NADSYN1: variants seen among roughly 807,000 people sequenced by gnomAD.
NADSYN1 encodes the protein NAD synthetase 1.
In NADSYN1, 80 loss-of-function variants were observed where a neutral mutation model predicts 99.3. The ratio of observed to expected loss-of-function variants is 0.81; its 90% CI spans 0.67 to 0.97. NADSYN1 has a LOEUF of 0.97. NADSYN1 is among the 50% of genes least tolerant of loss of function. The pLI is 0.00. For missense variants in NADSYN1, 859 were observed against 948.5 expected (o/e 0.91, Z 1.24); for synonymous variants, 385 against 372.1 (o/e 1.03, Z -0.40).
intron 15 of NADSYN1, chr11:71,485,336 C>G: frequency 2.4e-6 from 1 of 411,186 alleles, no homozygotes; most frequent in Non-Finnish European, 4.4e-6. Context: ...CAAGGCACCA[C>G]TGAGCTTGTG....
At chr11:71,483,394 G>T (rs900888482) in intron 14 of NADSYN1, among the ~76,000 whole-genome samples, 46 of 152,242 alleles carry the variant, frequency 3.0e-4, no homozygotes, top group Middle Eastern at 6.8e-3. Flanking sequence ...GGCATTCCCA[G>T]TGCAGGCTGC....
chr11:71,455,372 G>A (rs1330900318), intron 2 of NADSYN1: 1 of 497,774 alleles, frequency 2.0e-6, no homozygotes, highest in African/African-American at 1.9e-5. Context: ...TTCCCATGTT[G>A]AGTAATTAAA....
intron 4 of NADSYN1, 77 bp from the exon 5 acceptor site, chr11:71,463,976 T>A (rs1381898962): frequency 6.6e-6 from 8 of 1,219,510 alleles, no homozygotes; most frequent in Non-Finnish European, 8.2e-6. Flanking sequence ...ACCTCGTCAC[T>A]TGGTGGCACT....
intron 3 of NADSYN1, 60 bp downstream of exon 3, chr11:71,458,604 G>A: frequency 8.4e-7 from 1 of 1,187,136 alleles, no homozygotes; most frequent in Non-Finnish European, 1.3e-6. Context: ...TCAAGGGCAT[G>A]ACCCACCCAA....
At chr11:71,498,250 G>A (rs1313250632) in intron 19 of NADSYN1, 102 bp from the exon 20 acceptor site, 5 of 1,349,106 alleles carry the variant, frequency 3.7e-6, no homozygotes, top group Non-Finnish European at 5.1e-6. Context: ...TGTGCGGGGA[G>A]TAACCCATTA....
At chr11:71,476,009 C>G in intron 9 of NADSYN1, 1 of 456,060 alleles carries the variant, frequency 2.2e-6, no homozygotes, top group South Asian at 1.5e-5. Context: ...CCACCGCACC[C>G]GGCCTCTCTT....
At chr11:71,465,962 A>AT (rs1218114757) in intron 5 of NADSYN1, among the ~76,000 whole-genome samples, 1 of 152,046 alleles carries the variant, frequency 6.6e-6, no homozygotes, top group East Asian at 1.9e-4. Context: ...CTCTTGGTTC[A>AT]TTTTCTTAAC....
chr11:71,461,649 G>A (rs2120406747), intron 3 of NADSYN1, among the ~76,000 whole-genome samples: 1 of 152,176 alleles, frequency 6.6e-6, no homozygotes, highest in South Asian at 2.1e-4. Flanking sequence ...AGCTGGTCTT[G>A]AACTCCTGAC....
chr11:71,493,499 G>A (rs1253524431), intron 18 of NADSYN1, among the ~76,000 whole-genome samples: 2 of 152,104 alleles, frequency 1.3e-5, no homozygotes, highest in East Asian at 3.9e-4. Flanking sequence ...TGCCAGGCCT[G>A]ATGATCCTAA....
intron 13 of NADSYN1, among the ~76,000 whole-genome samples, chr11:71,482,378 G>T (rs147189867): frequency 5.3e-5 from 8 of 152,224 alleles, no homozygotes; most frequent in Non-Finnish European, 8.8e-5. Context: ...GCAGAACAGC[G>T]GTGATGATGC....
chr11:71,484,239 C>T, intron 14 of NADSYN1, 73 bp from the exon 15 acceptor site: 1 of 1,568,516 alleles, frequency 6.4e-7, no homozygotes, highest in Non-Finnish European at 8.7e-7. Context: ...GTCATCAGGG[C>T]TTCACCGCTC....
rs376908378 is a variant in NADSYN1 at position 71,474,422 on chromosome 11, C to G, written c.694C>G (p.Gln232Glu). ...CGGTGGGATTTACTTGCTGGCCAAC[C>G]AGAAGGGTTGTGACGGGGACCGCCT... Reference protein sequence around the residue: ...KNGGIYLLANQKGCDGDRLYY... With the variant: ...KNGGIYLLANEKGCDGDRLYY... Residue 232 changes from glutamine (Q) to glutamate (E), a missense_variant, in exon 9 of 21, where the codon CAG becomes GAG. Transcript: ENST00000319023. 2.5e-6 allele frequency: 4 copies of G among 1,614,096 alleles called. No homozygotes were observed. The highest frequency in any genetic ancestry group is 2.7e-5 in the African/African-American group (2 of 74,944).
intron 18 of NADSYN1, among the ~76,000 whole-genome samples, chr11:71,495,504 G>C (rs933928937): frequency 2.0e-5 from 3 of 152,234 alleles, no homozygotes; most frequent in African/African-American, 7.2e-5. Flanking sequence ...GCCGCTGGGT[G>C]CAGTGCCCTG....
rs1462286911 is a variant in NADSYN1, at chr11:71,455,293, TG to T, written c.146+124del. On this transcript the variant is annotated intron_variant, in intron 2 of 20. Coordinates refer to ENST00000319023, the MANE Select transcript of NADSYN1 (RefSeq NM_018161.5). The stretch of plus-strand genomic sequence containing the variant: ...AGAGCTGTGGACACGCCACACCCAC[TG>T]TTGGGCCTGGTTAATGCCATTGAAC... 4.0e-6 allele frequency: 3 copies of T among 742,934 alleles called. No homozygotes were observed. The African/African-American group carries it at 5.2e-5, about 13-fold the overall frequency. The allele number at this position is 742,934 out of a possible 1,614,324, so 46.0% of individuals were successfully genotyped here.
chr11:71,465,575 A>T lies in NADSYN1; in HGVS notation c.407+1433A>T, dbSNP rs550689693. ...TTGTCATGGGGCGTCGGCCATGTGC[A>T]TCCTCAGGCATTTACTGGCATAGCT... On this transcript the variant is annotated intron_variant, in intron 5 of 20. Coordinates refer to ENST00000319023, the MANE Select transcript of NADSYN1 (RefSeq NM_018161.5). Among the ~76,000 whole-genome samples, 7 of 152,310 alleles carry T rather than the reference A, an allele frequency of 4.6e-5. No homozygotes were observed. The East Asian group carries it at 1.3e-3, about 29-fold the overall frequency.
chr11:71,489,092 C>T (rs994197830), intron 16 of NADSYN1, among the ~76,000 whole-genome samples: 17 of 151,838 alleles, frequency 1.1e-4, no homozygotes, highest in East Asian at 1.9e-4. Flanking sequence ...GCCAGCCCTG[C>T]AGGGTTAAGT....
At chr11:71,497,424 T>A in intron 18 of NADSYN1, 59 bp from the exon 19 acceptor site, 1 of 1,609,998 alleles carries the variant, frequency 6.2e-7, no homozygotes, top group African/African-American at 1.3e-5. Context: ...AAAGAAGCTT[T>A]AGGCTCTCCC....
chr11:71,480,400 C>T, intron 10 of NADSYN1: 1 of 257,026 alleles, frequency 3.9e-6, no homozygotes, highest in South Asian at 4.1e-5. Context: ...TCTCGAACTC[C>T]TGACCTCAGG....
Position 71,491,967 on chromosome 11 carries a change from T to G in NADSYN1, c.1764+64T>G, listed in dbSNP as rs960881198. ...CTCCCCACCTCCTGTGTGGTGGTGC[T>G]GGCTCTTCCTACCTCCCTCCTGACC... is the stretch of plus-strand genomic sequence containing the variant. On this transcript the variant is annotated intron_variant, in intron 18 of 20. Coordinates refer to ENST00000319023, the MANE Select transcript of NADSYN1 (RefSeq NM_018161.5). 11 of 1,463,982 alleles carry G rather than the reference T, an allele frequency of 7.5e-6. No individual in the cohort carries two copies. The African/African-American group carries it at 1.1e-4, about 15-fold the overall frequency. 90.7% of individuals were successfully genotyped at this position (1,463,982 alleles called of 1,614,324 possible). A position where few individuals can be genotyped will look rare whatever the true frequency, so the allele number is the denominator to read the frequency against.
Sources: gnomAD v4.1 joint callset for allele counts (sites outside exome capture counted in the v4.1 genomes callset) on GRCh38, gnomAD v4.1.1 for gene constraint, MANE v1.5 for transcripts, NCBI Gene and HGNC (gene_info 2026-07-23, HGNC 2026-07-21) for gene names.